Variants in SORL1 observed in about 807,000 individuals in gnomAD.
The protein encoded by SORL1 is sortilin related receptor 1.
A neutral mutation model predicts 273.7 loss-of-function variants in SORL1; 127 were observed. The observed-to-expected ratio is 0.46, with a 90% confidence interval of 0.40 to 0.54. The LOEUF (loss-of-function observed/expected upper bound fraction) is 0.54. SORL1 is among the 20% of genes least tolerant of loss of function. The pLI is 0.00. For missense variants in SORL1, 2,494 were observed against 2,846.1 expected, an observed-to-expected ratio of 0.88 and a Z score of 2.81; for synonymous variants, 1,031 against 1,067.4, an observed-to-expected ratio of 0.97 and a Z score of 0.66.
At chr11:121,543,227 T>C (rs1862374626) in intron 12 of SORL1, among the ~76,000 whole-genome samples, 2 of 152,034 alleles carry the variant, frequency 1.3e-5, no homozygotes, top group South Asian at 4.2e-4. Flanking sequence ...AAATTTCTCT[T>C]TTGCTCCTCT....
At chr11:121,590,265 G>C in intron 30 of SORL1, 91 bp downstream of exon 30, 2 of 1,333,722 alleles carry the variant, frequency 1.5e-6, no homozygotes, top group East Asian at 2.4e-5. Context: ...GGCTGATTCC[G>C]TGTTTTGGGG....
At chr11:121,536,269 C>T (rs1452369695) in intron 12 of SORL1, among the ~76,000 whole-genome samples, 3 of 152,092 alleles carry the variant, frequency 2.0e-5, no homozygotes, top group Admixed American at 6.6e-5. Context: ...GGAAGCAGCC[C>T]CACAGTTCCA....
chr11:121,558,694 C>G lies in SORL1; in HGVS notation c.2767C>G (p.Pro923Ala). Residue 923 changes from proline (P) to alanine (A), a missense_variant, in exon 20 of 48, where the codon CCC (proline) becomes GCC (alanine). This residue lies in a region of SORL1 where 1,609 missense variants were observed against 1,816.4 expected (regional missense o/e 0.89). Transcript: ENST00000260197. ...YHLVSEDVKW[P>A]NGISVDDQWI... ...CCTGGTGTCTGAGGATGTGAAGTGG[C>G]CCAATGGCATCTCTGTGGACGACCA... 1 of 1,614,050 alleles carries G rather than the reference C, an allele frequency of 6.2e-7. No homozygotes were observed. The highest frequency in any genetic ancestry group is 8.5e-7 in the Non-Finnish European group (1 of 1,180,008).
At chr11:121,536,556 T>G (rs1015650205) in intron 12 of SORL1, among the ~76,000 whole-genome samples, 1 of 148,036 alleles carries the variant, frequency 6.8e-6, no homozygotes, top group African/African-American at 2.5e-5. Context: ...GGAGCCACCA[T>G]GCCTGGCTAA....
chr11:121,633,423 T>A lies in SORL1; in HGVS notation c.*3860T>A, dbSNP rs1863902654. The A allele has an allele frequency of 6.6e-6, 1 of 152,226 alleles. No individual in the cohort carries two copies. Among genetic ancestry groups the A allele is most frequent in the Non-Finnish European group, 1.5e-5 (1 of 68,032 alleles). 9.4% of individuals were successfully genotyped at this position (152,226 alleles called of 1,614,324 possible). ...ATTTAAAGACTCTTGTTATGAACTATTAGAAACTTTAGGCAAAATCAAAAG... is the reference window on the plus strand; with the variant it reads ...ATTTAAAGACTCTTGTTATGAACTAATAGAAACTTTAGGCAAAATCAAAAG... On this transcript the variant is annotated 3_prime_UTR_variant, in exon 48 of 48. Transcript: ENST00000260197.
chr11:121,560,711 A>T (rs1360070836), intron 21 of SORL1, among the ~76,000 whole-genome samples: 1 of 152,252 alleles, frequency 6.6e-6, no homozygotes, highest in Non-Finnish European at 1.5e-5. Flanking sequence ...TTGTGAAGAT[A>T]GCATGAGAAC....
intron 1 of SORL1, among the ~76,000 whole-genome samples, chr11:121,466,700 A>G (rs1420816646): frequency 6.6e-6 from 1 of 152,060 alleles, no homozygotes; most frequent in East Asian, 1.9e-4. Flanking sequence ...GATTCCTGCA[A>G]CTAGGTCTGC....
chr11:121,559,460 G>A, intron 20 of SORL1, 59 bp from the exon 21 acceptor site: 1 of 1,565,856 alleles, frequency 6.4e-7, no homozygotes, highest in Non-Finnish European at 8.7e-7. Flanking sequence ...CTTACCCTTA[G>A]AGAGAACCAG....
intron 27 of SORL1, 141 bp from the exon 28 acceptor site, chr11:121,587,879 A>G: frequency 2.2e-6 from 2 of 899,324 alleles, no homozygotes; most frequent in Non-Finnish European, 3.4e-6. Flanking sequence ...TAGGCTTGGC[A>G]GAAAACAAGT....
At chr11:121,621,352 G>A (rs1863721584) in intron 44 of SORL1, 114 bp downstream of exon 44, 3 of 930,576 alleles carry the variant, frequency 3.2e-6, no homozygotes, top group Non-Finnish European at 4.8e-6. Context: ...GAGTGCAAAC[G>A]CTGCCCTTCA....
At position 121,520,690 on chromosome 11, in the gene SORL1, C is replaced by A. The variant is rs1862026726; in HGVS notation, c.1245C>A (p.His415Gln). Residue 415 changes from histidine to glutamine, a missense_variant, in exon 9 of 48, where the codon CAC (histidine) becomes CAA (glutamine). Coordinates refer to ENST00000260197, the MANE Select transcript of SORL1 (RefSeq NM_003105.6). ...CAAATGAACCATTTGCTGACTTCCACCGAGTGGAAGGATTGCAAGGAGTCT... is the reference window on the plus strand; with the variant it reads ...CAAATGAACCATTTGCTGACTTCCAACGAGTGGAAGGATTGCAAGGAGTCT... ...YFANEPFADF[H>Q]RVEGLQGVYI... 2 of 1,587,510 alleles carry A rather than the reference C, an allele frequency of 1.3e-6. No individual in the cohort carries two copies. The highest frequency in any genetic ancestry group is 1.7e-6 in the Non-Finnish European group (2 of 1,169,018).
Position 121,614,982 on chromosome 11 carries a change from C to T in SORL1, c.5531C>T (p.Pro1844Leu), listed in dbSNP as rs1389438004. The T allele has an allele frequency of 6.2e-7, 1 of 1,613,832 alleles. No homozygotes were observed. Among genetic ancestry groups the T allele is most frequent in the South Asian group, 1.1e-5 (1 of 91,000 alleles). The change falls in exon 41 of 48, where the codon CCT becomes CTT. Residue 1844 changes from proline (P) to leucine (L), a missense_variant. Around this residue, in one of 3 missense-constraint regions of SORL1, gnomAD observed 1,609 missense variants for 1,816.4 expected, o/e 0.89. Transcript: ENST00000260197. The part of the protein sequence containing the change: ...EHVMTRGVRP[P>L]APSLKAKAIN... ...GTTATGACCAGAGGGGTTCGCCCAC[C>T]TGCACCTAGCCTCAAGGCCAAAGCC...
chr11:121,490,850 T>C (rs1322840545), intron 5 of SORL1, among the ~76,000 whole-genome samples: 1 of 151,918 alleles, frequency 6.6e-6, no homozygotes, highest in Non-Finnish European at 1.5e-5. Flanking sequence ...GAATAATTTA[T>C]GGATATAGTT....
At chr11:121,559,799 A>G (rs1373087022) in intron 21 of SORL1, 142 bp downstream of exon 21, 2 of 678,192 alleles carry the variant, frequency 2.9e-6, no homozygotes, top group African/African-American at 1.8e-5. Context: ...ATTTCTTCCT[A>G]ATGACATCTT....
chr11:121,567,179 G>T, intron 22 of SORL1, 66 bp downstream of exon 22: 1 of 1,380,466 alleles, frequency 7.2e-7, no homozygotes, highest in Non-Finnish European at 1.0e-6. Context: ...CGCCAGGGGA[G>T]GGAGGGATAG....
At chr11:121,542,238 C>T (rs183417643) in intron 12 of SORL1, among the ~76,000 whole-genome samples, 108 of 152,258 alleles carry the variant, frequency 7.1e-4, no homozygotes, top group Admixed American at 1.3e-3. Flanking sequence ...AACATGAACT[C>T]GGTATGACTT....
chr11:121,615,665 T>C (rs1392525403), intron 41 of SORL1, among the ~76,000 whole-genome samples: 1 of 152,158 alleles, frequency 6.6e-6, no homozygotes, highest in African/African-American at 2.4e-5. Context: ...GCGGAGGAAC[T>C]AGCCTAGGTC....
chr11:121,532,605 C>A (rs942278611), intron 12 of SORL1, 53 bp downstream of exon 12: 2 of 1,422,590 alleles, frequency 1.4e-6, no homozygotes, highest in Non-Finnish European at 2.0e-6. Context: ...CAGAAATTTA[C>A]GTCTGTGATT....
chr11:121,595,502 T>A lies in SORL1; in HGVS notation c.4370-121T>A. On this transcript the variant is annotated intron_variant, in intron 31 of 47. Transcript: ENST00000260197. The surrounding 1 kb of genome is among the most constrained non-coding windows in gnomAD (Gnocchi z 5.1). ...CTGCTCTCTATCCGGAACTCGCATT[T>A]GTCTTCAGGTTCCCATTGTAATTTC... 1.1e-6 allele frequency: 1 copy of A among 889,724 alleles called. No homozygotes were observed. The highest frequency in any genetic ancestry group is 1.7e-6 in the Non-Finnish European group (1 of 572,046). 55.1% of individuals were successfully genotyped at this position (889,724 alleles called of 1,614,324 possible).
Sources: allele counts gnomAD v4.1 joint callset (sites outside exome capture counted in the v4.1 genomes callset), GRCh38; gene constraint gnomAD v4.1.1; regional missense constraint gnomAD v4.1.1; non-coding constraint Gnocchi (gnomAD v3.1); transcripts MANE v1.5; gene names NCBI Gene and HGNC (gene_info 2026-07-23, HGNC 2026-07-21).